PTPRM: variants seen among roughly 807,000 people sequenced by gnomAD.
PTPRM encodes protein tyrosine phosphatase receptor type M, also known as receptor-type tyrosine-protein phosphatase mu.
Under a neutral mutation model 186.7 loss-of-function variants are expected in PTPRM, and 47 were observed. The ratio of observed to expected loss-of-function variants is 0.25; its 90% CI spans 0.20 to 0.32. The LOEUF (loss-of-function observed/expected upper bound fraction) is 0.32, where lower values mean the gene tolerates loss of function less well. Ranked by LOEUF, PTPRM falls within the 10% of genes least tolerant of loss-of-function variation. The probability of loss-of-function intolerance (pLI) is 1.00; values close to 1 mark genes in which losing one functional copy is unlikely to be tolerated. For synonymous variants in PTPRM, 668 were observed against 674.9 expected (o/e 0.99, Z 0.16); for missense variants, 1,494 against 1,865.0 (o/e 0.80, Z 3.66).
chr18:7,651,665 T>TTAA (rs1355783204), intron 1 of PTPRM, among the ~76,000 whole-genome samples: 2 of 152,016 alleles, frequency 1.3e-5, no homozygotes, highest in African/African-American at 4.8e-5. Flanking sequence ...GATTCCCTAT[T>TTAA]TAATAAATGG....
chr18:8,077,325 C>A (rs2089879248), intron 9 of PTPRM, among the ~76,000 whole-genome samples: 1 of 151,904 alleles, frequency 6.6e-6, no homozygotes, highest in Non-Finnish European at 1.5e-5. Context: ...TGCTTGAATA[C>A]CTTTCAGAAC....
At chr18:8,289,486 A>C (rs1418850694) in intron 19 of PTPRM, among the ~76,000 whole-genome samples, 1 of 142,828 alleles carries the variant, frequency 7.0e-6, no homozygotes, top group Non-Finnish European at 1.5e-5. Context: ...ATGTATATAT[A>C]TACATATATG....
chr18:7,797,507 A>G (rs533994390), intron 2 of PTPRM, among the ~76,000 whole-genome samples: 1 of 152,338 alleles, frequency 6.6e-6, no homozygotes, highest in South Asian at 2.1e-4. Flanking sequence ...GTGATCTTCA[A>G]CATTGCAGTT....
chr18:8,229,906 CT>C (rs2094264114), intron 14 of PTPRM, among the ~76,000 whole-genome samples: 1 of 152,206 alleles, frequency 6.6e-6, no homozygotes, highest in Non-Finnish European at 1.5e-5. Context: ...CTCTTTGCTT[CT>C]TTTGCTCTGG....
chr18:8,204,595 C>T (rs2093901229), intron 14 of PTPRM, among the ~76,000 whole-genome samples: 1 of 151,952 alleles, frequency 6.6e-6, no homozygotes, highest in Admixed American at 6.5e-5. Flanking sequence ...CAGCTGCCTC[C>T]ACAAGGAGTC....
intron 20 of PTPRM, among the ~76,000 whole-genome samples, chr18:8,306,815 TCCCACATTTGCCA>T (rs1377684862): frequency 1.3e-5 from 2 of 152,194 alleles, no homozygotes; most frequent in African/African-American, 4.8e-5. Context: ...TCTGAGTGTC[TCCCACATTTGCCA>T]GATGCCAGAA....
In PTPRM at chr18:8,029,085, TC is replaced by T. The variant is rs1221942478; in HGVS notation, c.1133-40599del. 2.0e-5 allele frequency among the ~76,000 whole-genome samples: 3 copies of T among 152,344 alleles called. No individual in the cohort carries two copies. In the East Asian group the frequency reaches 5.8e-4, roughly 29 times the overall value. ...ATCCTACATGGAGGCTGTGGTAACT[TC>T]CTGTCTGGTTCATTCATATGGGTTC... On this transcript the variant is annotated intron_variant, in intron 7 of 32. Transcript: ENST00000580170.
rs143849987 is a variant in PTPRM at position 8,390,217 on chromosome 18, C to A, written c.4208+2982C>A. Among the ~76,000 whole-genome samples the A allele has an allele frequency of 5.5e-3, 837 of 152,322 alleles. 6 individuals are homozygous for A. Among genetic ancestry groups the A allele is most frequent in the South Asian group, 0.019 (90 of 4,822 alleles). ...AAGATGCCATTGCAACGCAGCACTG[C>A]AGTGGGTGGGGAAGACTGCCTGGAC... On this transcript the variant is annotated intron_variant, in intron 31 of 32. Coordinates refer to ENST00000580170, the MANE Select transcript of PTPRM (RefSeq NM_001105244.2).
At chr18:7,957,524 G>A (rs1449390166) in intron 7 of PTPRM, among the ~76,000 whole-genome samples, 1 of 152,156 alleles carries the variant, frequency 6.6e-6, no homozygotes, top group Non-Finnish European at 1.5e-5. Context: ...CACTGTTCGT[G>A]ATGCATGGTC....
chr18:7,992,604 T>C (rs1177649056), intron 7 of PTPRM, among the ~76,000 whole-genome samples: 1 of 152,106 alleles, frequency 6.6e-6, no homozygotes, highest in African/African-American at 2.4e-5. Context: ...AAACAAAACG[T>C]TAACACACAG....
intron 22 of PTPRM, among the ~76,000 whole-genome samples, chr18:8,323,126 G>A (rs2095355859): frequency 6.6e-6 from 1 of 152,120 alleles, no homozygotes; most frequent in African/African-American, 2.4e-5. Context: ...ATTGCACTCG[G>A]CTTTGTTTAG....
chr18:8,043,842 T>C (rs978583907), intron 7 of PTPRM, among the ~76,000 whole-genome samples: 1 of 152,094 alleles, frequency 6.6e-6, no homozygotes, highest in Non-Finnish European at 1.5e-5. Context: ...GCGAGCTGGG[T>C]CTCAGGAGAG....
intron 2 of PTPRM, among the ~76,000 whole-genome samples, chr18:7,867,652 T>C (rs78300211): frequency 6.6e-6 from 1 of 152,194 alleles, no homozygotes; most frequent in Non-Finnish European, 1.5e-5. Context: ...ATTTCAACCT[T>C]GTTGAATCTG....
intron 9 of PTPRM, among the ~76,000 whole-genome samples, chr18:8,076,786 G>C (rs1470018463): frequency 1.3e-5 from 2 of 152,016 alleles, no homozygotes; most frequent in African/African-American, 4.8e-5. Flanking sequence ...GACCTTTCCA[G>C]ATTATATGTT....
chr18:7,685,648 A>G (rs2039584833), intron 1 of PTPRM, among the ~76,000 whole-genome samples: 3 of 152,164 alleles, frequency 2.0e-5, no homozygotes, highest in Non-Finnish European at 4.4e-5. Flanking sequence ...TACCATGTTG[A>G]TAGTTACCAA....
chr18:8,030,095 G>A (rs16952764), intron 7 of PTPRM, among the ~76,000 whole-genome samples: 11,033 of 152,254 alleles, frequency 0.072, 521 homozygotes, highest in Middle Eastern at 0.27. Context: ...ATGCCAATCT[G>A]TGTTATGTCT....
chr18:7,671,645 A>T (rs373086263), intron 1 of PTPRM, among the ~76,000 whole-genome samples: 1 of 152,258 alleles, frequency 6.6e-6, no homozygotes, highest in African/African-American at 2.4e-5. Flanking sequence ...TTTGTAAGGC[A>T]TTCTTTCAAA....
intron 17 of PTPRM, chr18:8,248,385 A>G (rs771597076): frequency 3.4e-5 from 22 of 643,634 alleles, no homozygotes; most frequent in South Asian, 2.5e-4. Context: ...TGCTGCATGT[A>G]TCTTGGGGAT....
chr18:7,888,471 T>C, intron 3 of PTPRM, 94 bp downstream of exon 3: 2 of 1,388,996 alleles, frequency 1.4e-6, no homozygotes, highest in Admixed American at 2.6e-5. Flanking sequence ...AAAAGGTTGT[T>C]GTATTTTTGT....
Sources: allele counts gnomAD v4.1 joint callset (sites outside exome capture counted in the v4.1 genomes callset), GRCh38; gene constraint gnomAD v4.1.1; transcripts MANE v1.5; gene names NCBI Gene and HGNC (gene_info 2026-07-23, HGNC 2026-07-21).